CACHD1: variants seen among roughly 807,000 people sequenced by gnomAD.
CACHD1 encodes the protein VWFA and cache domain-containing protein 1.
In CACHD1, 71 loss-of-function variants were observed where a neutral mutation model predicts 138.7. The ratio of observed to expected loss-of-function variants is 0.51; its 90% CI spans 0.42 to 0.62. CACHD1 has a LOEUF of 0.62. CACHD1 is among the 20% of genes least tolerant of loss of function. The pLI is 0.00. For missense variants in CACHD1, 1,389 were observed against 1,625.3 expected, an observed-to-expected ratio of 0.85 and a Z score of 2.50; for synonymous variants, 578 against 591.5, an observed-to-expected ratio of 0.98 and a Z score of 0.33.
chr1:64,555,885 C>G (rs527259648), intron 2 of CACHD1, among the ~76,000 whole-genome samples: 4 of 152,262 alleles, frequency 2.6e-5, no homozygotes, highest in Admixed American at 6.5e-5. Context: ...CATTTGTTTT[C>G]AGTGTGTTTT....
At chr1:64,663,631 C>A (rs1298424372) in intron 13 of CACHD1, 64 bp from the exon 14 acceptor site, 1 of 1,595,394 alleles carries the variant, frequency 6.3e-7, no homozygotes, top group African/African-American at 1.3e-5. Flanking sequence ...CCGAGTGATG[C>A]CTTTGTTTGG....
At position 64,634,255 on chromosome 1, in the gene CACHD1, A is replaced by G. The variant is rs750193456; in HGVS notation, c.1001A>G (p.Gln334Arg). The G allele has an allele frequency of 6.2e-7, 1 of 1,613,866 alleles. No homozygotes were observed. ...AGTACAAACAATAACACAAAGTTCC[A>G]AGCAAGTGAGTGCGTTCTCTCAGAG... ...IRSTNNNTKF[Q>R]ANTDMVIIYL... is the part of the protein sequence containing the mutation. Residue 334 changes from glutamine to arginine, a missense_variant, in exon 7 of 27, where the codon CAA (glutamine) becomes CGA (arginine). Physicochemically the swap from Gln to Arg is conservative, Grantham distance 43. Transcript: ENST00000651257.
At chr1:64,534,215 T>A (rs1320489495) in intron 1 of CACHD1, among the ~76,000 whole-genome samples, 1 of 152,066 alleles carries the variant, frequency 6.6e-6, no homozygotes, top group African/African-American at 2.4e-5. Flanking sequence ...AGCTAATTTT[T>A]GTACTTTTAG....
At chr1:64,645,012 G>A (rs377604705) in intron 8 of CACHD1, among the ~76,000 whole-genome samples, 18 of 152,266 alleles carry the variant, frequency 1.2e-4, no homozygotes, top group African/African-American at 1.7e-4. Flanking sequence ...CACAAGAATC[G>A]CTTGATCCTG....
chr1:64,624,335 T>G (rs571453885), intron 4 of CACHD1, among the ~76,000 whole-genome samples: 2 of 152,368 alleles, frequency 1.3e-5, no homozygotes, highest in East Asian at 3.9e-4. Flanking sequence ...GATTTATTTT[T>G]AAAACATTCT....
At chr1:64,540,687 A>G (rs778282732) in intron 1 of CACHD1, among the ~76,000 whole-genome samples, 1 of 152,202 alleles carries the variant, frequency 6.6e-6, no homozygotes, top group African/African-American at 2.4e-5. Flanking sequence ...CAGGAAATCA[A>G]GTGATCAAGA....
At chr1:64,566,479 TC>T (rs34760107) in intron 2 of CACHD1, among the ~76,000 whole-genome samples, 34,302 of 121,220 alleles carry the variant, frequency 0.28, 7,874 homozygotes, top group African/African-American at 0.54. Context: ...TGTTTTCAAT[TC>T]CCCCCCCCCC....
chr1:64,604,152 C>T (rs1377427431), intron 4 of CACHD1, among the ~76,000 whole-genome samples: 1 of 152,176 alleles, frequency 6.6e-6, no homozygotes, highest in Non-Finnish European at 1.5e-5. Flanking sequence ...GAATTGTATA[C>T]ACAAATCATG....
intron 1 of CACHD1, among the ~76,000 whole-genome samples, chr1:64,515,435 C>A (rs986103979): frequency 9.8e-5 from 15 of 152,324 alleles, no homozygotes; most frequent in Admixed American, 9.8e-4. Context: ...ATTGGTGTGA[C>A]ATTTGTTCAG....
At chr1:64,666,307 T>C (rs1649631479) in intron 16 of CACHD1, 140 bp downstream of exon 16, 1 of 524,254 alleles carries the variant, frequency 1.9e-6, no homozygotes, top group South Asian at 2.9e-5. Context: ...TTTGAACATC[T>C]TCTCTTTCTG....
At chr1:64,662,727 CTG>C (rs1649484076) in intron 13 of CACHD1, among the ~76,000 whole-genome samples, 1 of 152,170 alleles carries the variant, frequency 6.6e-6, no homozygotes, top group African/African-American at 2.4e-5. Flanking sequence ...CTGTGATTCA[CTG>C]TGAGAATTTT....
At chr1:64,649,869 T>C (rs1226236537) in intron 9 of CACHD1, among the ~76,000 whole-genome samples, 1 of 152,206 alleles carries the variant, frequency 6.6e-6, no homozygotes, top group East Asian at 1.9e-4. Context: ...TGCAGATCTA[T>C]TGAATTCCTC....
chr1:64,601,350 G>A (rs1647212012), intron 3 of CACHD1, among the ~76,000 whole-genome samples: 3 of 152,200 alleles, frequency 2.0e-5, no homozygotes, highest in Admixed American at 1.3e-4. Flanking sequence ...AGCAGCTGCT[G>A]TATTAATCTC....
intron 17 of CACHD1, 48 bp downstream of exon 17, chr1:64,671,734 T>C (rs1649824660): frequency 6.2e-7 from 1 of 1,611,542 alleles, no homozygotes; most frequent in South Asian, 1.1e-5. Context: ...AGTTTAAAAA[T>C]AGATGTCAGG....
rs372055870 is a variant in CACHD1 at position 64,672,512 on chromosome 1, TTATTATTAGTTAA to T, written c.2511-644_2511-632del. On this transcript the variant is annotated intron_variant, in intron 17 of 26. Transcript: ENST00000651257. ...TTATTACTGTTATAATTGTTCTATTTTATTATTAGTTAATGTTGTTAATCTCTTACTGGGCCTA... is the reference window on the plus strand; with the variant it reads ...TTATTACTGTTATAATTGTTCTATTTTGTTGTTAATCTCTTACTGGGCCTA... Among the ~76,000 whole-genome samples, 218 of 152,318 alleles carry T rather than the reference TTATTATTAGTTAA, an allele frequency of 1.4e-3. 1 individual carries two copies. The highest frequency in any genetic ancestry group is 2.6e-3 in the Non-Finnish European group (180 of 68,024).
intron 2 of CACHD1, among the ~76,000 whole-genome samples, chr1:64,551,747 T>C (rs996130121): frequency 2.0e-5 from 3 of 152,190 alleles, no homozygotes; most frequent in African/African-American, 7.2e-5. Flanking sequence ...TTTATAGACA[T>C]TGAGTTTTTA....
At chr1:64,610,914 C>G (rs1647508834) in intron 4 of CACHD1, among the ~76,000 whole-genome samples, 1 of 152,196 alleles carries the variant, frequency 6.6e-6, no homozygotes, top group African/African-American at 2.4e-5. Flanking sequence ...GCCTGGACAT[C>G]CAGGTGTTTC....
intron 1 of CACHD1, among the ~76,000 whole-genome samples, chr1:64,516,022 T>G (rs1327012110): frequency 1.3e-5 from 2 of 152,182 alleles, no homozygotes; most frequent in African/African-American, 2.4e-5. Context: ...GTTAATAGGA[T>G]TTTCATATAT....
chr1:64,553,900 A>T (rs1175286461), intron 2 of CACHD1, among the ~76,000 whole-genome samples: 1 of 152,216 alleles, frequency 6.6e-6, no homozygotes, highest in Admixed American at 6.5e-5. Context: ...ACTCAGCTTC[A>T]TATTCATTAG....
Sources: gnomAD v4.1 joint callset for allele counts (sites outside exome capture counted in the v4.1 genomes callset) on GRCh38, gnomAD v4.1.1 for gene constraint, MANE v1.5 for transcripts, NCBI Gene and HGNC (gene_info 2026-07-23, HGNC 2026-07-21) for gene names.